The following VWA3B variants were observed in gnomAD, a reference collection of about 807,000 sequenced individuals.
VWA3B encodes the protein von Willebrand factor A domain-containing protein 3B.
In VWA3B, 138 loss-of-function variants were observed where a neutral mutation model predicts 158.3. That is an observed-to-expected ratio of 0.87 (90% CI 0.76 to 1.00). VWA3B has a LOEUF of 1.00. VWA3B is among the 50% of genes least tolerant of loss of function. The pLI, the probability that VWA3B is intolerant of heterozygous loss-of-function variation, is 0.00. For missense variants in VWA3B, 1,555 were observed against 1,565.1 expected (o/e 0.99, Z 0.11); for synonymous variants, 596 against 587.3 (o/e 1.01, Z -0.21).
chr2:98,183,263 A>C (rs189432129), intron 9 of VWA3B, among the ~76,000 whole-genome samples: 1 of 148,660 alleles, frequency 6.7e-6, no homozygotes, highest in East Asian at 2.0e-4. Flanking sequence ...GGGACTACAT[A>C]CTGAAACTGG....
chr2:98,236,534 A>G, intron 18 of VWA3B, 40 bp from the exon 19 acceptor site: 1 of 1,613,794 alleles, frequency 6.2e-7, no homozygotes, highest in East Asian at 2.2e-5. Context: ...GTTAACCATC[A>G]AGTTGTAAAT....
At chr2:98,288,367 G>C (rs1175398441) in intron 22 of VWA3B, among the ~76,000 whole-genome samples, 2 of 152,168 alleles carry the variant, frequency 1.3e-5, no homozygotes, top group East Asian at 3.8e-4. Context: ...AGAAGGCTGT[G>C]CTATTCACAG....
At chr2:98,257,151 C>T (rs899624244) in intron 21 of VWA3B, among the ~76,000 whole-genome samples, 4 of 151,832 alleles carry the variant, frequency 2.6e-5, no homozygotes, top group Non-Finnish European at 5.9e-5. Context: ...TATTTTCTGC[C>T]TCCATAAGAT....
At chr2:98,184,034 C>T (rs1377177666) in intron 9 of VWA3B, among the ~76,000 whole-genome samples, 3 of 152,234 alleles carry the variant, frequency 2.0e-5, no homozygotes. Context: ...AGAAAACAGT[C>T]GCGGGACCTG....
chr2:98,158,876 C>A (rs1558616146), intron 7 of VWA3B, among the ~76,000 whole-genome samples: 1 of 152,092 alleles, frequency 6.6e-6, no homozygotes, highest in Non-Finnish European at 1.5e-5. Flanking sequence ...TGAACCCTGA[C>A]CTCAATGCCA....
At chr2:98,310,463 C>T (rs1230032609) in intron 26 of VWA3B, among the ~76,000 whole-genome samples, 1 of 152,126 alleles carries the variant, frequency 6.6e-6, no homozygotes, top group Non-Finnish European at 1.5e-5. Flanking sequence ...TTCTCACATC[C>T]GCTTCTTGTC....
intron 14 of VWA3B, among the ~76,000 whole-genome samples, chr2:98,220,049 G>A (rs929880325): frequency 6.6e-6 from 1 of 151,138 alleles, no homozygotes; most frequent in African/African-American, 2.4e-5. Flanking sequence ...TGTAGTTCTA[G>A]CTACTTTGGG....
At position 98,256,115 on chromosome 2, in the gene VWA3B, T is replaced by A; in HGVS notation, c.2793-9T>A. On this transcript the variant is annotated splice_polypyrimidine_tract_variant and intron_variant, in intron 20 of 27. Coordinates refer to ENST00000477737, the MANE Select transcript of VWA3B (RefSeq NM_144992.5). The stretch of plus-strand genomic sequence containing the variant: ...TACAAAATTATTGTTGACTTTTTTT[T>A]TTTAACAGGCGCTTGAATAAAATTG... 1 of 1,613,430 alleles carries A rather than the reference T, an allele frequency of 6.2e-7. No individual in the cohort carries two copies. Among genetic ancestry groups the A allele is most frequent in the Non-Finnish European group, 8.5e-7 (1 of 1,179,872 alleles).
chr2:98,094,965 T>G (rs898244872), intron 2 of VWA3B, among the ~76,000 whole-genome samples: 4 of 152,226 alleles, frequency 2.6e-5, no homozygotes, highest in Non-Finnish European at 5.9e-5. Flanking sequence ...GGCTCTCTAT[T>G]CTATTCCATT....
At position 98,167,183 on chromosome 2, in the gene VWA3B, C is replaced by A. The variant is rs577009707; in HGVS notation, c.1114+4207C>A. Among the ~76,000 whole-genome samples, 61 of 152,232 alleles carry A rather than the reference C, an allele frequency of 4.0e-4. 1 individual carries two copies. Among genetic ancestry groups the A allele is most frequent in the South Asian group, 1.0e-3 (5 of 4,818 alleles). The stretch of plus-strand genomic sequence containing the variant: ...GAGGAGATCTAGCAAGCTGCCATTC[C>A]GCACACTGGTTCGAGGTCACCTGGC... On this transcript the variant is annotated intron_variant, in intron 8 of 27. Transcript: ENST00000477737.
chr2:98,272,254 T>G lies in VWA3B; in HGVS notation c.3045+1371T>G, dbSNP rs79201507. On this transcript the variant is annotated intron_variant, in intron 22 of 27. Transcript: ENST00000477737. ...CCACAACTCCCTCTTTGAGTTTGAT[T>G]AATTTGCGTGAGTGGCACACAGAAC... Among the ~76,000 whole-genome samples the G allele has an allele frequency of 8.3e-3, 1,259 of 152,322 alleles. 16 individuals carry two copies. The highest frequency in any genetic ancestry group is 0.029 in the African/African-American group (1,186 of 41,570).
intron 7 of VWA3B, among the ~76,000 whole-genome samples, chr2:98,139,481 C>T (rs978736654): frequency 1.3e-5 from 2 of 152,184 alleles, no homozygotes; most frequent in Non-Finnish European, 2.9e-5. Flanking sequence ...CTGGTGGGGA[C>T]GTGGAGAACC....
chr2:98,265,952 T>A (rs1687795245), intron 21 of VWA3B, among the ~76,000 whole-genome samples: 1 of 132,962 alleles, frequency 7.5e-6, no homozygotes, highest in Non-Finnish European at 1.6e-5. Context: ...TAGCCCTTTG[T>A]CAGATGAGTA....
chr2:98,118,045 A>T (rs1436684984), intron 3 of VWA3B, among the ~76,000 whole-genome samples: 1 of 152,152 alleles, frequency 6.6e-6, no homozygotes, highest in East Asian at 1.9e-4. Context: ...TCCAGCTTAA[A>T]TTCCTTTTTA....
At chr2:98,228,023 C>T (rs531453070) in intron 14 of VWA3B, among the ~76,000 whole-genome samples, 179 bp from the exon 15 acceptor site, 10 of 152,212 alleles carry the variant, frequency 6.6e-5, no homozygotes, top group Non-Finnish European at 1.5e-4. Context: ...ATTTTCTGGC[C>T]GTGTGCTGTA....
the VWA3B span, among the ~76,000 whole-genome samples, chr2:98,322,145 T>A: frequency 6.6e-6 from 1 of 152,230 alleles, no homozygotes; most frequent in Non-Finnish European, 1.5e-5. Context: ...TTCTTTCCTT[T>A]CTGAGAACAA....
chr2:98,323,071 A>G, the VWA3B span, among the ~76,000 whole-genome samples: 2 of 152,250 alleles, frequency 1.3e-5, no homozygotes, highest in African/African-American at 4.8e-5. Context: ...TTGAACCAAA[A>G]TTTAGTAGGC....
At chr2:98,154,785 G>A (rs1677920208) in intron 7 of VWA3B, among the ~76,000 whole-genome samples, 1 of 152,206 alleles carries the variant, frequency 6.6e-6, no homozygotes, top group South Asian at 2.1e-4. Context: ...AAGAGCCAGT[G>A]CAGATTTCCG....
intron 26 of VWA3B, among the ~76,000 whole-genome samples, chr2:98,308,451 G>A (rs1035812185): frequency 5.3e-5 from 8 of 152,222 alleles, no homozygotes; most frequent in African/African-American, 1.9e-4. Context: ...GCCTCCATTT[G>A]AGAACATATG....
Sources: allele counts gnomAD v4.1 joint callset (sites outside exome capture counted in the v4.1 genomes callset), GRCh38; gene constraint gnomAD v4.1.1; transcripts MANE v1.5; gene names NCBI Gene and HGNC (gene_info 2026-07-23, HGNC 2026-07-21).